Variants in CPQ observed in about 807,000 individuals in gnomAD.
The protein encoded by CPQ is Ser-Met dipeptidase.
A neutral mutation model predicts 45.7 loss-of-function variants in CPQ; 37 were observed. That is an observed-to-expected ratio of 0.81 (90% CI 0.62 to 1.07). CPQ has a LOEUF of 1.07. CPQ is among the 50% of genes least tolerant of loss of function. CPQ has a pLI of 0.00. For missense variants in CPQ, 537 were observed against 572.9 expected, an observed-to-expected ratio of 0.94 and a Z score of 0.64; for synonymous variants, 186 against 205.8, an observed-to-expected ratio of 0.90 and a Z score of 0.82.
chr8:96,954,132 T>G (rs1813313605), intron 4 of CPQ, among the ~76,000 whole-genome samples: 1 of 152,200 alleles, frequency 6.6e-6, no homozygotes, highest in Admixed American at 6.5e-5. Flanking sequence ...AATCTTGCTC[T>G]AATTTATAGC....
chr8:96,668,089 T>C (rs1808949631), intron 1 of CPQ, among the ~76,000 whole-genome samples: 1 of 152,230 alleles, frequency 6.6e-6, no homozygotes, highest in Admixed American at 6.5e-5. Flanking sequence ...TTTGTGAGCT[T>C]CCCTTTTCCT....
At chr8:96,848,694 G>A (rs1471326680) in intron 3 of CPQ, among the ~76,000 whole-genome samples, 1 of 152,154 alleles carries the variant, frequency 6.6e-6, no homozygotes, top group East Asian at 1.9e-4. Context: ...TAGGATTGTT[G>A]TCAAATTTGG....
At chr8:97,106,143 A>G (rs1030681130) in intron 7 of CPQ, among the ~76,000 whole-genome samples, 1 of 152,208 alleles carries the variant, frequency 6.6e-6, no homozygotes, top group African/African-American at 2.4e-5. Flanking sequence ...TCTGTGCAGG[A>G]TGGATTGTTT....
intron 4 of CPQ, among the ~76,000 whole-genome samples, chr8:96,916,363 CA>C: frequency 6.6e-6 from 1 of 151,882 alleles, no homozygotes; most frequent in Non-Finnish European, 1.5e-5. Context: ...TGAATTAAAC[CA>C]AAAAATATTC....
Position 97,043,733 on chromosome 8 carries a change from T to G in CPQ, c.1053+14239T>G, listed in dbSNP as rs1168153016. Among the ~76,000 whole-genome samples the G allele has an allele frequency of 2.0e-5, 3 of 152,216 alleles. No homozygotes were observed. The East Asian group carries it at 5.8e-4, about 29-fold the overall frequency. On this transcript the variant is annotated intron_variant, in intron 6 of 7. Coordinates refer to ENST00000220763, the MANE Select transcript of CPQ (RefSeq NM_016134.4). ...GTCTGTAAAGTATTTTATTTCTCCT[T>G]AACTTATGAAGCTTAGTTTGGCTGG...
Position 96,692,817 on chromosome 8 carries a change from G to A in CPQ, c.-35+47415G>A, listed in dbSNP as rs73277732. 7.9e-3 allele frequency among the ~76,000 whole-genome samples: 1,204 copies of A among 152,124 alleles called. 20 individuals carry two copies. The highest frequency in any genetic ancestry group is 0.027 in the African/African-American group (1,125 of 41,508). On this transcript the variant is annotated intron_variant, in intron 1 of 7. Coordinates refer to ENST00000220763, the MANE Select transcript of CPQ (RefSeq NM_016134.4). Reference sequence around the variant, plus strand: ...ATGAACATTCACAAGGATCAAGACCGTCCAGAAAACATAATCTCACCAAAT... The same window carrying A: ...ATGAACATTCACAAGGATCAAGACCATCCAGAAAACATAATCTCACCAAAT...
intron 7 of CPQ, among the ~76,000 whole-genome samples, chr8:97,138,632 GAGAAATAAT>G (rs977951756): frequency 6.6e-5 from 10 of 152,282 alleles, no homozygotes; most frequent in Admixed American, 6.5e-4. Flanking sequence ...CCTCAGAGGT[GAGAAATAAT>G]AGAAATAATG....
At chr8:97,079,178 T>G (rs1275935447) in intron 7 of CPQ, among the ~76,000 whole-genome samples, 1 of 152,162 alleles carries the variant, frequency 6.6e-6, no homozygotes, top group African/African-American at 2.4e-5. Flanking sequence ...CTAATTTTTC[T>G]TTATAATGTG....
chr8:96,809,709 A>G (rs1010070614), intron 2 of CPQ, among the ~76,000 whole-genome samples: 5 of 152,156 alleles, frequency 3.3e-5, no homozygotes, highest in African/African-American at 1.2e-4. Context: ...ATGGAATTGT[A>G]TACTGAAAAA....
At chr8:97,134,940 G>A (rs1444726811) in intron 7 of CPQ, among the ~76,000 whole-genome samples, 3 of 152,190 alleles carry the variant, frequency 2.0e-5, no homozygotes, top group Admixed American at 6.5e-5. Flanking sequence ...TGGGGAGTCT[G>A]TAGCATCATC....
At chr8:96,946,269 T>A (rs2130330124) in intron 4 of CPQ, among the ~76,000 whole-genome samples, 1 of 152,284 alleles carries the variant, frequency 6.6e-6, no homozygotes, top group East Asian at 1.9e-4. Context: ...ATTGCTTTCA[T>A]TTCCAAAACA....
chr8:96,878,890 C>T (rs1812183020), intron 3 of CPQ, among the ~76,000 whole-genome samples: 1 of 152,180 alleles, frequency 6.6e-6, no homozygotes, highest in Non-Finnish European at 1.5e-5. Flanking sequence ...TATGCTTTAA[C>T]AGAAGATAGG....
rs1812199464 is a variant in CPQ, at chr8:97,143,344, T to C, written c.*161T>C. ...ATCTTTCTTGATACTTTCCAAATTCTCTGATTCTAGAAAAAGGAATCATTC... is the reference window on the plus strand; with the variant it reads ...ATCTTTCTTGATACTTTCCAAATTCCCTGATTCTAGAAAAAGGAATCATTC... On this transcript the variant is annotated 3_prime_UTR_variant, in exon 8 of 8. Transcript: ENST00000220763. 1.5e-6 allele frequency: 1 copy of C among 676,354 alleles called. No individual in the cohort carries two copies. The highest frequency in any genetic ancestry group is 2.4e-6 in the Non-Finnish European group (1 of 417,848). The allele number at this position is 676,354 out of a possible 1,614,324, so 41.9% of individuals were successfully genotyped here. A position where few individuals can be genotyped will look rare whatever the true frequency, so the allele number is the denominator to read the frequency against.
Position 97,029,400 on chromosome 8 carries a change from C to A in CPQ, c.962-3C>A. 6.3e-7 allele frequency: 1 copy of A among 1,597,104 alleles called. No individual in the cohort carries two copies. The highest frequency in any genetic ancestry group is 2.2e-5 in the East Asian group (1 of 44,470). ...TCACTTTTTTATTTTATTATTTTCCCAGGGCTGCGTCCAAAGAGGACTCTG... is the reference window on the plus strand; with the variant it reads ...TCACTTTTTTATTTTATTATTTTCCAAGGGCTGCGTCCAAAGAGGACTCTG... On this transcript the variant is annotated splice_region_variant and splice_polypyrimidine_tract_variant and intron_variant, in intron 5 of 7. Coordinates refer to ENST00000220763, the MANE Select transcript of CPQ (RefSeq NM_016134.4).
At chr8:97,028,750 CAAT>C (rs1316281077) in intron 5 of CPQ, among the ~76,000 whole-genome samples, 2 of 152,116 alleles carry the variant, frequency 1.3e-5, no homozygotes, top group Non-Finnish European at 2.9e-5. Context: ...TATCACAAGT[CAAT>C]AAAATTGCCA....
At chr8:96,685,988 A>G (rs374626071) in intron 1 of CPQ, among the ~76,000 whole-genome samples, 3 of 152,086 alleles carry the variant, frequency 2.0e-5, no homozygotes, top group Non-Finnish European at 4.4e-5. Context: ...AATGCAATCT[A>G]TTCTTACTTT....
chr8:96,672,148 GT>G (rs1809012620), intron 1 of CPQ, among the ~76,000 whole-genome samples: 1 of 152,136 alleles, frequency 6.6e-6, no homozygotes, highest in African/African-American at 2.4e-5. Context: ...TTCTTAAACT[GT>G]TTGTGAAAGT....
At chr8:97,002,722 A>G (rs1456368652) in intron 5 of CPQ, among the ~76,000 whole-genome samples, 1 of 152,180 alleles carries the variant, frequency 6.6e-6, no homozygotes, top group Admixed American at 6.6e-5. Context: ...AGAAGAATGT[A>G]TATTCTGTTA....
intron 5 of CPQ, among the ~76,000 whole-genome samples, chr8:97,001,122 G>C (rs1023355872): frequency 6.6e-6 from 1 of 152,118 alleles, no homozygotes; most frequent in East Asian, 1.9e-4. Context: ...TTGCTTATCA[G>C]CTTAAGAAGC....
Sources: gnomAD v4.1 joint callset for allele counts (sites outside exome capture counted in the v4.1 genomes callset) on GRCh38, gnomAD v4.1.1 for gene constraint, MANE v1.5 for transcripts, NCBI Gene and HGNC (gene_info 2026-07-23, HGNC 2026-07-21) for gene names.